Variants in FOXP2 observed in about 807,000 individuals in gnomAD.
FOXP2 encodes the protein forkhead box P2.
A neutral mutation model predicts 115.8 loss-of-function variants in FOXP2; 12 were observed. The ratio of observed to expected loss-of-function variants is 0.10; its 90% CI spans 0.07 to 0.17. The LOEUF (loss-of-function observed/expected upper bound fraction) is 0.17, where lower values mean the gene tolerates loss of function less well. Ranked by LOEUF, FOXP2 falls within the 10% of genes least tolerant of loss-of-function variation. FOXP2 has a pLI of 1.00. For missense variants in FOXP2, 629 were observed against 843.5 expected (o/e 0.75, Z 3.15); for synonymous variants, 328 against 297.7 (o/e 1.10, Z -1.05).
At chr7:114,279,903 A>G (rs1796284620) in intron 1 of FOXP2, among the ~76,000 whole-genome samples, 1 of 152,036 alleles carries the variant, frequency 6.6e-6, no homozygotes, top group African/African-American at 2.4e-5. Flanking sequence ...ACCTTTAAAT[A>G]TGATGCATTT....
intron 2 of FOXP2, among the ~76,000 whole-genome samples, chr7:114,344,535 T>A (rs539572176): frequency 6.6e-6 from 1 of 151,950 alleles, no homozygotes; most frequent in Admixed American, 6.6e-5. Context: ...TCAAATGTAA[T>A]CTGGGGTTTA....
chr7:114,168,731 C>T (rs933770614), intron 1 of FOXP2, among the ~76,000 whole-genome samples: 8 of 152,144 alleles, frequency 5.3e-5, no homozygotes, highest in African/African-American at 1.7e-4. Flanking sequence ...ATGGGGAAAA[C>T]GTCTCTGTGG....
At chr7:114,589,026 A>AT (rs1012161804) in intron 3 of FOXP2, among the ~76,000 whole-genome samples, 19 of 152,140 alleles carry the variant, frequency 1.2e-4, no homozygotes, top group Non-Finnish European at 2.6e-4. Context: ...TCGAGTATAT[A>AT]TTTTTTCTAT....
chr7:114,547,256 T>C (rs1458601832), intron 3 of FOXP2, among the ~76,000 whole-genome samples: 2 of 152,218 alleles, frequency 1.3e-5, no homozygotes, highest in African/African-American at 2.4e-5. Context: ...TATCTAAATA[T>C]TTTCTTCTTT....
At chr7:114,154,835 A>ATT (rs561478721) in intron 1 of FOXP2, among the ~76,000 whole-genome samples, 113 of 152,228 alleles carry the variant, frequency 7.4e-4, no homozygotes, top group Non-Finnish European at 1.5e-3. Context: ...TGTCTCTGCC[A>ATT]TTTATACCCT....
Position 114,453,168 on chromosome 7 carries a change from T to A in FOXP2, c.168+26489T>A, listed in dbSNP as rs189355371. 5.9e-5 allele frequency among the ~76,000 whole-genome samples: 9 copies of A among 152,206 alleles called. No homozygotes were observed. In the East Asian group the frequency reaches 1.5e-3, roughly 26 times the overall value. ...ATATGAAGGAAACAACAGTTTTGAATGTGAAATGATATTGGAGAACATCTA... is the reference window on the plus strand; with the variant it reads ...ATATGAAGGAAACAACAGTTTTGAAAGTGAAATGATATTGGAGAACATCTA... On this transcript the variant is annotated intron_variant, in intron 2 of 16. Coordinates refer to ENST00000350908, the MANE Select transcript of FOXP2 (RefSeq NM_014491.4).
chr7:114,529,281 G>C (rs1299756598), intron 2 of FOXP2, among the ~76,000 whole-genome samples: 3 of 151,756 alleles, frequency 2.0e-5, no homozygotes, highest in African/African-American at 7.2e-5. Flanking sequence ...GTCATCTGGG[G>C]GTTTGGAGCC....
chr7:114,435,374 A>C (rs1408632124), intron 2 of FOXP2, among the ~76,000 whole-genome samples: 1 of 152,164 alleles, frequency 6.6e-6, no homozygotes, highest in Admixed American at 6.6e-5. Context: ...AAAAGGGTAC[A>C]CAAAGACAGG....
intron 1 of FOXP2, among the ~76,000 whole-genome samples, chr7:114,151,897 G>A (rs575685485): frequency 2.0e-5 from 3 of 152,110 alleles, no homozygotes; most frequent in East Asian, 3.9e-4. Context: ...GTGTGGAAGG[G>A]AAAAAGTAGC....
At chr7:114,302,011 A>G (rs1298695943) in intron 2 of FOXP2, among the ~76,000 whole-genome samples, 3 of 152,184 alleles carry the variant, frequency 2.0e-5, no homozygotes, top group Non-Finnish European at 4.4e-5. Context: ...AGAAATGATT[A>G]AAGATAAAAA....
In FOXP2 at chr7:114,691,352, T is replaced by C. The variant is rs1234166873; in HGVS notation, c.*1426T>C. ...CATATTGATTTTAAAGTGATCTAGC[T>C]GAGTTTTTACACTGAAAGCAAAGAT... On this transcript the variant is annotated 3_prime_UTR_variant, in exon 17 of 17. Transcript: ENST00000350908. The C allele has an allele frequency of 2.2e-6, 1 of 453,964 alleles. No individual in the cohort carries two copies. Among genetic ancestry groups the C allele is most frequent in the Non-Finnish European group, 4.4e-6 (1 of 226,730 alleles). 28.1% of individuals were successfully genotyped at this position (453,964 alleles called of 1,614,324 possible). A position where few individuals can be genotyped will look rare whatever the true frequency, so the allele number is the denominator to read the frequency against.
intron 16 of FOXP2, among the ~76,000 whole-genome samples, chr7:114,670,239 G>A (rs954468513): frequency 2.6e-5 from 4 of 151,870 alleles, no homozygotes; most frequent in East Asian, 1.9e-4. Context: ...TATATAGAAC[G>A]TTAATATATT....
At chr7:114,222,931 A>G (rs1794659883) in intron 1 of FOXP2, among the ~76,000 whole-genome samples, 1 of 152,250 alleles carries the variant, frequency 6.6e-6, no homozygotes, top group South Asian at 2.1e-4. Flanking sequence ...AACTTTGCCA[A>G]TACAATGCAT....
At chr7:114,520,129 G>A (rs1798543298) in intron 2 of FOXP2, among the ~76,000 whole-genome samples, 1 of 151,826 alleles carries the variant, frequency 6.6e-6, no homozygotes, top group African/African-American at 2.4e-5. Flanking sequence ...CAATCCTATG[G>A]GTAATTTGAT....
intron 1 of FOXP2, among the ~76,000 whole-genome samples, chr7:114,253,469 G>A (rs1048455130): frequency 6.6e-6 from 1 of 152,118 alleles, no homozygotes; most frequent in Admixed American, 6.6e-5. Flanking sequence ...TATGAATCTT[G>A]GTGCTCCTGT....
intron 2 of FOXP2, 101 bp downstream of exon 2, chr7:114,426,780 A>G: frequency 8.2e-7 from 1 of 1,217,544 alleles, no homozygotes. Flanking sequence ...GTGTTAAGCT[A>G]AAAGATGCTG....
At chr7:114,439,902 T>G (rs1225724479) in intron 2 of FOXP2, among the ~76,000 whole-genome samples, 1 of 152,146 alleles carries the variant, frequency 6.6e-6, no homozygotes, top group Non-Finnish European at 1.5e-5. Context: ...TATTTTGTAA[T>G]AGGAGCTTTA....
intron 3 of FOXP2, among the ~76,000 whole-genome samples, chr7:114,603,983 C>T (rs1297517430): frequency 6.6e-6 from 1 of 152,150 alleles, no homozygotes; most frequent in Non-Finnish European, 1.5e-5. Context: ...AGGATACTTT[C>T]AATATGTTGC....
At chr7:114,479,064 A>G (rs1796411916) in intron 2 of FOXP2, among the ~76,000 whole-genome samples, 1 of 151,876 alleles carries the variant, frequency 6.6e-6, no homozygotes, top group African/African-American at 2.4e-5. Context: ...TATCGCAAGT[A>G]ATAAGGCATC....
Sources: allele counts gnomAD v4.1 joint callset (sites outside exome capture counted in the v4.1 genomes callset), GRCh38; gene constraint gnomAD v4.1.1; transcripts MANE v1.5; gene names NCBI Gene and HGNC (gene_info 2026-07-23, HGNC 2026-07-21).